Variants in LHFPL3 observed in about 807,000 individuals in gnomAD.
The protein encoded by LHFPL3 is LHFPL tetraspan subfamily member 3.
In LHFPL3, 5 loss-of-function variants were observed where a neutral mutation model predicts 19.3. That is an observed-to-expected ratio of 0.26 (90% CI 0.14 to 0.54). The LOEUF (loss-of-function observed/expected upper bound fraction) is 0.54. Among genes scored for constraint, LHFPL3 ranks in the 20% least tolerant of loss-of-function variants. The pLI is 0.94. For synonymous variants in LHFPL3, 133 were observed against 126.2 expected, an observed-to-expected ratio of 1.05 and a Z score of -0.36; for missense variants, 249 against 307.4, an observed-to-expected ratio of 0.81 and a Z score of 1.42.
intron 1 of LHFPL3, among the ~76,000 whole-genome samples, chr7:104,388,960 A>C (rs2214086): frequency 0.34 from 51,791 of 152,038 alleles, 9,172 homozygotes; most frequent in Admixed American, 0.48. Flanking sequence ...TCTTAAGATC[A>C]GAAACAAGAA....
intron 2 of LHFPL3, among the ~76,000 whole-genome samples, chr7:104,738,124 T>G (rs1222348168): frequency 6.6e-6 from 1 of 152,198 alleles, no homozygotes; most frequent in Admixed American, 6.5e-5. Flanking sequence ...GTTTTCTTAG[T>G]TCTATCAAAA....
intron 2 of LHFPL3, among the ~76,000 whole-genome samples, chr7:104,902,127 C>T (rs924916278): frequency 9.9e-5 from 15 of 152,068 alleles, no homozygotes; most frequent in Non-Finnish European, 1.8e-4. Context: ...TGCCTGTAAT[C>T]CCAATACTTC....
chr7:104,435,505 ATTTT>A (rs1453714000), intron 1 of LHFPL3, among the ~76,000 whole-genome samples: 2 of 149,994 alleles, frequency 1.3e-5, no homozygotes, highest in Non-Finnish European at 3.0e-5. Flanking sequence ...TTATAAAAAT[ATTTT>A]TTATAAAAAA....
intron 1 of LHFPL3, among the ~76,000 whole-genome samples, chr7:104,352,369 T>A (rs999633808): frequency 6.6e-6 from 1 of 152,196 alleles, no homozygotes; most frequent in Non-Finnish European, 1.5e-5. Flanking sequence ...CTTAGAATAC[T>A]ACCAAGTATG....
chr7:104,410,188 A>C (rs929423229), intron 1 of LHFPL3, among the ~76,000 whole-genome samples: 1 of 152,100 alleles, frequency 6.6e-6, no homozygotes, highest in Admixed American at 6.5e-5. Flanking sequence ...GCTGGAGTGC[A>C]ATGGTGCAAT....
At chr7:104,492,860 C>T (rs1793384915) in intron 1 of LHFPL3, among the ~76,000 whole-genome samples, 1 of 152,130 alleles carries the variant, frequency 6.6e-6, no homozygotes, top group Non-Finnish European at 1.5e-5. Context: ...CCCACTCGTT[C>T]CTGCCTCTTT....
intron 2 of LHFPL3, among the ~76,000 whole-genome samples, chr7:104,867,795 A>G (rs940138952): frequency 5.3e-4 from 80 of 152,314 alleles, no homozygotes; most frequent in Non-Finnish European, 7.8e-4. Context: ...TTTTAGACCA[A>G]TATCCCTGAT....
chr7:104,847,708 C>T (rs964371062), intron 2 of LHFPL3, among the ~76,000 whole-genome samples: 4 of 152,326 alleles, frequency 2.6e-5, no homozygotes, highest in African/African-American at 9.6e-5. Flanking sequence ...GACGAGATTT[C>T]GCCATGTTGG....
chr7:104,489,908 G>T (rs763191563), intron 1 of LHFPL3, among the ~76,000 whole-genome samples: 10 of 152,116 alleles, frequency 6.6e-5, no homozygotes, highest in African/African-American at 1.2e-4. Context: ...CCTCCTCACT[G>T]CTGACACCGT....
At chr7:104,793,572 GT>G (rs1446645970) in intron 2 of LHFPL3, among the ~76,000 whole-genome samples, 1 of 152,180 alleles carries the variant, frequency 6.6e-6, no homozygotes, top group African/African-American at 2.4e-5. Context: ...CTAAAGAATG[GT>G]TTGAACTAAC....
At chr7:104,632,948 G>C (rs2115855830) in intron 1 of LHFPL3, among the ~76,000 whole-genome samples, 1 of 152,276 alleles carries the variant, frequency 6.6e-6, no homozygotes, top group African/African-American at 2.4e-5. Context: ...GTCATGATAG[G>C]GGGTTAGATA....
intron 1 of LHFPL3, among the ~76,000 whole-genome samples, chr7:104,590,513 G>T (rs1397120948): frequency 6.6e-6 from 1 of 152,140 alleles, no homozygotes; most frequent in Non-Finnish European, 1.5e-5. Flanking sequence ...TACATTTACT[G>T]AGGAGTGCTT....
At chr7:104,657,335 G>A (rs1037861728) in intron 1 of LHFPL3, among the ~76,000 whole-genome samples, 23 of 152,236 alleles carry the variant, frequency 1.5e-4, no homozygotes, top group African/African-American at 5.5e-4. Context: ...CTTATCAGTA[G>A]TATCAGCTAT....
intron 2 of LHFPL3, among the ~76,000 whole-genome samples, chr7:104,902,818 G>T (rs1388626531): frequency 1.3e-5 from 2 of 152,096 alleles, no homozygotes; most frequent in Non-Finnish European, 2.9e-5. Context: ...TTACAGCGAG[G>T]GATCTAATGA....
intron 2 of LHFPL3, among the ~76,000 whole-genome samples, chr7:104,861,157 T>C (rs979220804): frequency 6.6e-6 from 1 of 152,178 alleles, no homozygotes; most frequent in Non-Finnish European, 1.5e-5. Context: ...TTAGTTGTAT[T>C]AGATTGTGTG....
chr7:104,664,120 A>T (rs1792280626), intron 1 of LHFPL3, among the ~76,000 whole-genome samples: 1 of 152,184 alleles, frequency 6.6e-6, no homozygotes, highest in African/African-American at 2.4e-5. Flanking sequence ...AATTTTGTCC[A>T]CTAGAGCTAG....
Position 104,448,993 on chromosome 7 carries a change from C to A in LHFPL3, c.445+119769C>A, listed in dbSNP as rs141084342. Among the ~76,000 whole-genome samples the A allele has an allele frequency of 3.7e-3, 566 of 152,290 alleles. 5 individuals are homozygous for A. Among genetic ancestry groups the A allele is most frequent in the African/African-American group, 0.013 (530 of 41,556 alleles). ...TAGAGTTACTTTCACAAACGAAGTG[C>A]CTTTCAGATTAAAATTAAGATGATG... On this transcript the variant is annotated intron_variant, in intron 1 of 2. Transcript: ENST00000424859.
At chr7:104,550,402 G>A (rs577525979) in intron 1 of LHFPL3, among the ~76,000 whole-genome samples, 1 of 152,250 alleles carries the variant, frequency 6.6e-6, no homozygotes, top group Admixed American at 6.5e-5. Context: ...GGGATGATTG[G>A]AGGAAATGAC....
intron 1 of LHFPL3, among the ~76,000 whole-genome samples, chr7:104,595,714 C>T (rs1031504834): frequency 6.6e-5 from 10 of 152,224 alleles, no homozygotes; most frequent in African/African-American, 2.4e-4. Context: ...TGGTGGGCTC[C>T]GCCCAGTTCG....
Sources: allele counts gnomAD v4.1 joint callset (sites outside exome capture counted in the v4.1 genomes callset), GRCh38; gene constraint gnomAD v4.1.1; transcripts MANE v1.5; gene names NCBI Gene and HGNC (gene_info 2026-07-23, HGNC 2026-07-21).